BMPR1B: variants seen among roughly 807,000 people sequenced by gnomAD.
BMPR1B encodes bone morphogenetic protein receptor type 1B.
BMPR1B carries 12 observed loss-of-function variants against 59.1 expected under a neutral mutation model. The observed-to-expected ratio is 0.20, with a 90% CI of 0.13 to 0.33. The LOEUF is 0.33. BMPR1B is among the 10% of genes least tolerant of loss of function. BMPR1B has a pLI of 1.00. For synonymous variants in BMPR1B, 237 were observed against 207.3 expected (o/e 1.14, Z -1.23); for missense variants, 550 against 610.9 (o/e 0.90, Z 1.05).
chr4:94,795,773 T>G (rs889171416), intron 1 of BMPR1B, among the ~76,000 whole-genome samples: 3 of 151,934 alleles, frequency 2.0e-5, no homozygotes, highest in African/African-American at 7.3e-5. Flanking sequence ...TGGATTAATG[T>G]TTAAAAGAAG....
chr4:94,963,009 C>T (rs1309167993), intron 2 of BMPR1B, among the ~76,000 whole-genome samples: 3 of 152,020 alleles, frequency 2.0e-5, no homozygotes, highest in South Asian at 2.1e-4. Context: ...TTTATATAGG[C>T]CATTTTAACT....
At chr4:95,086,091 CTG>C (rs760292889) in intron 3 of BMPR1B, among the ~76,000 whole-genome samples, 20 of 152,024 alleles carry the variant, frequency 1.3e-4, no homozygotes, top group Admixed American at 9.2e-4. Context: ...AAGGTATAAA[CTG>C]ATATGATTAT....
chr4:94,972,978 A>G (rs955508099), intron 2 of BMPR1B, among the ~76,000 whole-genome samples: 11 of 152,188 alleles, frequency 7.2e-5, no homozygotes, highest in African/African-American at 2.7e-4. Flanking sequence ...GGGTGTTGGC[A>G]GGAACAAACT....
chr4:94,835,058 A>G (rs1724749866), intron 1 of BMPR1B, among the ~76,000 whole-genome samples: 1 of 151,994 alleles, frequency 6.6e-6, no homozygotes, highest in South Asian at 2.1e-4. Flanking sequence ...TTTTAGGAAG[A>G]AATGCAGATT....
chr4:95,014,309 A>C (rs779771945), intron 3 of BMPR1B, among the ~76,000 whole-genome samples: 2 of 152,224 alleles, frequency 1.3e-5, no homozygotes, highest in South Asian at 4.1e-4. Context: ...AAGTTAGACT[A>C]TCTTATAATT....
chr4:94,843,730 ATT>A, intron 1 of BMPR1B, among the ~76,000 whole-genome samples: 1 of 152,144 alleles, frequency 6.6e-6, no homozygotes, highest in Non-Finnish European at 1.5e-5. Context: ...TGGTAAATGA[ATT>A]TTACTTTTAT....
intron 1 of BMPR1B, among the ~76,000 whole-genome samples, chr4:94,782,057 C>T (rs1722610003): frequency 6.6e-6 from 1 of 151,546 alleles, no homozygotes; most frequent in Non-Finnish European, 1.5e-5. Context: ...TGGGAGTTTT[C>T]AGCTCTTCTT....
At chr4:94,957,252 T>A (rs745714402) in intron 2 of BMPR1B, among the ~76,000 whole-genome samples, 126 of 151,836 alleles carry the variant, frequency 8.3e-4, no homozygotes, top group Admixed American at 1.6e-3. Flanking sequence ...CATGGCGGTA[T>A]ATGAGGTGTG....
intron 1 of BMPR1B, among the ~76,000 whole-genome samples, chr4:94,775,866 C>A (rs1722345465): frequency 6.6e-6 from 1 of 152,120 alleles, no homozygotes; most frequent in South Asian, 2.1e-4. Flanking sequence ...CGGAGGCGGG[C>A]AGATCGTGAG....
intron 1 of BMPR1B, among the ~76,000 whole-genome samples, chr4:94,791,380 C>T (rs1036557488): frequency 3.3e-5 from 5 of 152,078 alleles, no homozygotes; most frequent in Non-Finnish European, 7.4e-5. Flanking sequence ...TGGAGATGGT[C>T]ACTGTTCCAT....
At chr4:95,094,601 AC>A (rs1730231049) in intron 3 of BMPR1B, among the ~76,000 whole-genome samples, 1 of 152,082 alleles carries the variant, frequency 6.6e-6, no homozygotes, top group African/African-American at 2.4e-5. Context: ...TTTCTCCTCC[AC>A]CCCACTGCAA....
At chr4:95,037,462 A>G (rs2149166735) in intron 3 of BMPR1B, among the ~76,000 whole-genome samples, 1 of 152,284 alleles carries the variant, frequency 6.6e-6, no homozygotes, top group South Asian at 2.1e-4. Flanking sequence ...GTGTGAATGG[A>G]AAAGGAAAAG....
chr4:95,081,302 A>G (rs1729121052), intron 3 of BMPR1B, among the ~76,000 whole-genome samples: 1 of 151,946 alleles, frequency 6.6e-6, no homozygotes, highest in South Asian at 2.1e-4. Flanking sequence ...AGAACGGACT[A>G]CTACAGGTGT....
intron 12 of BMPR1B, 28 bp downstream of exon 12, chr4:95,152,801 T>TTTA: frequency 6.2e-7 from 1 of 1,610,590 alleles, no homozygotes; most frequent in Non-Finnish European, 8.5e-7. Context: ...CATGTGGCTG[T>TTTA]GACAGACTTC....
intron 10 of BMPR1B, among the ~76,000 whole-genome samples, chr4:95,147,872 T>C (rs186452742): frequency 6.6e-6 from 1 of 152,202 alleles, no homozygotes; most frequent in South Asian, 2.1e-4. Context: ...GGGCTGGAAC[T>C]GTGGCTCCAG....
chr4:94,959,030 C>T (rs1046850048), intron 2 of BMPR1B, among the ~76,000 whole-genome samples: 7 of 152,038 alleles, frequency 4.6e-5, no homozygotes, highest in African/African-American at 1.4e-4. Context: ...GTGTGGAAGT[C>T]TTGAGAAGGT....
intron 1 of BMPR1B, among the ~76,000 whole-genome samples, chr4:94,793,466 C>T (rs1224770342): frequency 8.6e-5 from 13 of 150,902 alleles, no homozygotes; most frequent in East Asian, 2.0e-4. Flanking sequence ...TGAATAATGC[C>T]GCAATAAACA....
intron 2 of BMPR1B, among the ~76,000 whole-genome samples, chr4:94,882,954 CTGTGTGTGTGTGCGTGTGTGTGTATG>C (rs1266748148): frequency 1.4e-5 from 2 of 146,458 alleles, no homozygotes; most frequent in African/African-American, 5.2e-5. Context: ...CTTTTCTTTC[CTGTGTGTGTGTGCGTGTGTGTGTATG>C]TGTGTGTGTG....
chr4:95,049,420 T>G (rs946627231), intron 3 of BMPR1B, among the ~76,000 whole-genome samples: 1 of 1,590 alleles, frequency 6.3e-4, no homozygotes. Flanking sequence ...AGCATAAAAG[T>G]TTTTTTTTTT....
Sources: allele counts gnomAD v4.1 joint callset (sites outside exome capture counted in the v4.1 genomes callset), GRCh38; gene constraint gnomAD v4.1.1; transcripts MANE v1.5; gene names NCBI Gene and HGNC (gene_info 2026-07-23, HGNC 2026-07-21).